Variants in NUP58 observed in about 807,000 individuals in gnomAD.
The protein encoded by NUP58 is nucleoporin p58/p45.
Under a neutral mutation model 70.1 loss-of-function variants are expected in NUP58, and 17 were observed. The ratio of observed to expected loss-of-function variants is 0.24; its 90% CI spans 0.17 to 0.36. NUP58 has a LOEUF of 0.36. Ranked by LOEUF, NUP58 falls within the 10% of genes least tolerant of loss-of-function variation. The pLI, the probability that NUP58 is intolerant of heterozygous loss-of-function variation, is 1.00. For synonymous variants in NUP58, 275 were observed against 257.6 expected (o/e 1.07, Z -0.65); for missense variants, 644 against 701.5 (o/e 0.92, Z 0.93).
At chr13:25,317,091 C>G (rs2030966591) in intron 6 of NUP58, among the ~76,000 whole-genome samples, 1 of 151,736 alleles carries the variant, frequency 6.6e-6, no homozygotes, top group Admixed American at 6.6e-5. Context: ...TAGCTTGGGC[C>G]CTGCAGTACC....
At chr13:25,323,046 C>T (rs1209928202) in intron 9 of NUP58, among the ~76,000 whole-genome samples, 2 of 152,198 alleles carry the variant, frequency 1.3e-5, no homozygotes, top group Admixed American at 6.5e-5. Flanking sequence ...ATTGCATTCA[C>T]CGCTGTTTGT....
At chr13:25,319,621 T>C (rs1380846745) in intron 7 of NUP58, among the ~76,000 whole-genome samples, 1 of 152,102 alleles carries the variant, frequency 6.6e-6, no homozygotes, top group Non-Finnish European at 1.5e-5. Flanking sequence ...CAAATATGTG[T>C]GTTTATTTCT....
intron 7 of NUP58, 87 bp downstream of exon 7, chr13:25,319,437 TATC>T (rs2031084837): frequency 1.2e-5 from 15 of 1,259,992 alleles, no homozygotes; most frequent in African/African-American, 1.5e-5. Flanking sequence ...TGAAAGTAAA[TATC>T]ATATACATTT....
chr13:25,336,705 T>C (rs775206875), intron 13 of NUP58, among the ~76,000 whole-genome samples: 5 of 152,176 alleles, frequency 3.3e-5, no homozygotes, highest in Non-Finnish European at 7.4e-5. Context: ...TGTCTAGTTC[T>C]GAACAGGTTA....
intron 9 of NUP58, 36 bp from the exon 10 acceptor site, chr13:25,324,953 C>CTTTT (rs59746219): frequency 4.2e-5 from 47 of 1,117,900 alleles, no homozygotes; most frequent in South Asian, 1.6e-4. Flanking sequence ...TCTTAACTGG[C>CTTTT]TTTTTTTTTT....
intron 7 of NUP58, 34 bp downstream of exon 7, chr13:25,319,384 A>G: frequency 6.4e-7 from 1 of 1,566,404 alleles, no homozygotes; most frequent in South Asian, 1.1e-5. Flanking sequence ...AGGCATTTTA[A>G]TTGAAGAGTT....
Position 25,326,955 on chromosome 13 carries a change from T to G in NUP58, c.1071T>G (p.Leu357=), listed in dbSNP as rs760263549. The change falls in exon 11 of 16, where the codon CTT becomes CTG. Residue 357 remains leucine (L), a synonymous_variant. Transcript: ENST00000381736. The stretch of plus-strand genomic sequence containing the variant: ...TGGTTCAGCAATTTGAGGTACAGCT[T>G]CAGCAGTACAGGCAGCAGATTGAAG... ...RILVQQFEVQ[L]QQYRQQIEEL... is the part of the protein sequence containing the mutation. 6.2e-7 allele frequency: 1 copy of G among 1,606,360 alleles called. No homozygotes were observed. Among genetic ancestry groups the G allele is most frequent in the Non-Finnish European group, 8.5e-7 (1 of 1,175,798 alleles).
chr13:25,343,438 C>G (rs144299848), downstream of NUP58, among the ~76,000 whole-genome samples: 5 of 151,532 alleles, frequency 3.3e-5, no homozygotes, highest in East Asian at 9.7e-4. Flanking sequence ...CCAATCCCAT[C>G]CAGGCTGCAA....
At chr13:25,320,298 A>G (rs192821624) in intron 7 of NUP58, 8 of 369,932 alleles carry the variant, frequency 2.2e-5, no homozygotes, top group Admixed American at 9.6e-5. Flanking sequence ...ATAGATGCCA[A>G]TCTTCTTAGA....
intron 2 of NUP58, chr13:25,308,171 T>C (rs1341981989): frequency 5.0e-6 from 2 of 396,940 alleles, no homozygotes; most frequent in Non-Finnish European, 8.8e-6. Flanking sequence ...CATACAAATA[T>C]TAATTTAAAT....
At position 25,309,354 on chromosome 13, in the gene NUP58, ACTCTT is replaced by A. The variant is rs2030540106; in HGVS notation, c.286+77_286+81del. ...TTTTAATAAATTGAGTGATCTTTCT[ACTCTT>A]CTCTCTTCTAATATTTCACAGAGCT... On this transcript the variant is annotated intron_variant, in intron 3 of 15. Transcript: ENST00000381736. 4.4e-6 allele frequency: 5 copies of A among 1,147,674 alleles called. No homozygotes were observed. The South Asian group carries it at 5.3e-5, about 12-fold the overall frequency. The allele number at this position is 1,147,674 out of a possible 1,614,324, so 71.1% of individuals were successfully genotyped here. A position where few individuals can be genotyped will look rare whatever the true frequency, so the allele number is the denominator to read the frequency against.
chr13:25,321,452 A>G (rs1294205634), intron 9 of NUP58, among the ~76,000 whole-genome samples: 1 of 152,224 alleles, frequency 6.6e-6, no homozygotes. Flanking sequence ...TTATGCTGTT[A>G]ACTAACTAGG....
At chr13:25,306,393 CA>C (rs1030000370) in intron 1 of NUP58, among the ~76,000 whole-genome samples, 2,117 of 55,526 alleles carry the variant, frequency 0.038, 28 homozygotes, top group African/African-American at 0.092. Context: ...GACTCCGTCT[CA>C]AAAAAAAAAA....
intron 3 of NUP58, chr13:25,309,964 C>A (rs1007860247): frequency 1.6e-5 from 6 of 375,340 alleles, no homozygotes; most frequent in Non-Finnish European, 2.7e-5. Context: ...TAACAGAAAA[C>A]AACACATCTG....
rs546136207 is a variant in NUP58, at chr13:25,336,308, T to A, written c.1436-628T>A. On this transcript the variant is annotated intron_variant, in intron 13 of 15. Transcript: ENST00000381736. Reference sequence around the variant, plus strand: ...ATTGTCATGTTACTGTGTAATTGATTTGCTTTACAATGAACAATAAATTTA... The same window carrying A: ...ATTGTCATGTTACTGTGTAATTGATATGCTTTACAATGAACAATAAATTTA... 4.0e-6 allele frequency: 5 copies of A among 1,248,242 alleles called. No individual in the cohort carries two copies. The South Asian group carries it at 4.7e-5, about 12-fold the overall frequency. 77.3% of individuals were successfully genotyped at this position (1,248,242 alleles called of 1,614,324 possible). A position where few individuals can be genotyped will look rare whatever the true frequency, so the allele number is the denominator to read the frequency against.
Position 25,337,265 on chromosome 13 carries a change from G to T in NUP58, c.1534+231G>T, listed in dbSNP as rs545661868. Among the ~76,000 whole-genome samples the T allele has an allele frequency of 2.0e-5, 3 of 152,150 alleles. No homozygotes were observed. In the East Asian group the frequency reaches 5.8e-4, roughly 29 times the overall value. On this transcript the variant is annotated intron_variant, in intron 14 of 15. Coordinates refer to ENST00000381736, the MANE Select transcript of NUP58 (RefSeq NM_014089.4). ...ATAAAGTATTAAAATTAAGTGGTAG[G>T]CATGTTCATGTTTTCAAAGCAATAT...
downstream of NUP58, among the ~76,000 whole-genome samples, chr13:25,344,451 C>T (rs927997824): frequency 6.6e-6 from 1 of 152,196 alleles, no homozygotes; most frequent in African/African-American, 2.4e-5. Context: ...ACCAATACCC[C>T]ACTGCCTTAA....
At chr13:25,334,525 T>G (rs1224599257) in intron 13 of NUP58, 1 of 985,188 alleles carries the variant, frequency 1.0e-6, no homozygotes, top group East Asian at 1.1e-4. Context: ...TTTTGTGATT[T>G]TGTTGTATTT....
chr13:25,333,944 G>A (rs1439777048), intron 13 of NUP58: 1 of 985,272 alleles, frequency 1.0e-6, no homozygotes, highest in Admixed American at 6.2e-5. Flanking sequence ...TGGGCACAGA[G>A]CAAATAGCTT....
Sources: gnomAD v4.1 joint callset for allele counts (sites outside exome capture counted in the v4.1 genomes callset) on GRCh38, gnomAD v4.1.1 for gene constraint, MANE v1.5 for transcripts, NCBI Gene and HGNC (gene_info 2026-07-23, HGNC 2026-07-21) for gene names.